Variants in NRG3 observed in about 807,000 individuals in gnomAD.
NRG3 encodes neuregulin 3, also known as pro-neuregulin-3, membrane-bound isoform.
NRG3 carries 31 observed loss-of-function variants against 66.9 expected under a neutral mutation model. The observed-to-expected ratio is 0.46, with a 90% CI of 0.35 to 0.63. The LOEUF (loss-of-function observed/expected upper bound fraction) is 0.63, where lower values mean the gene tolerates loss of function less well. NRG3 is among the 20% of genes least tolerant of loss of function. The pLI is 0.00. For synonymous variants in NRG3, 393 were observed against 359.4 expected, an observed-to-expected ratio of 1.09 and a Z score of -1.06; for missense variants, 910 against 878.9, an observed-to-expected ratio of 1.04 and a Z score of -0.45.
At chr10:82,937,916 G>C (rs964712419) in intron 4 of NRG3, among the ~76,000 whole-genome samples, 1 of 152,174 alleles carries the variant, frequency 6.6e-6, no homozygotes, top group Non-Finnish European at 1.5e-5. Context: ...TGGCTAGCCT[G>C]AAATGAGCTG....
At chr10:82,984,783 G>C (rs1853283300) in intron 8 of NRG3, 1 of 1,551,772 alleles carries the variant, frequency 6.4e-7, no homozygotes, top group African/African-American at 1.4e-5. Flanking sequence ...TGTATTCTAG[G>C]ATAGAGGTCA....
chr10:82,875,056 C>T (rs1295023290), intron 4 of NRG3, among the ~76,000 whole-genome samples: 1 of 152,148 alleles, frequency 6.6e-6, no homozygotes, highest in Non-Finnish European at 1.5e-5. Context: ...ATAAAAAGGA[C>T]CACTTAGCTG....
chr10:82,487,228 CAG>C (rs1293076138), intron 2 of NRG3, among the ~76,000 whole-genome samples: 1 of 151,434 alleles, frequency 6.6e-6, no homozygotes. Flanking sequence ...TATAAATAAA[CAG>C]AAATTGTAAG....
At chr10:82,298,738 A>G (rs1327997699) in intron 1 of NRG3, among the ~76,000 whole-genome samples, 2 of 152,030 alleles carry the variant, frequency 1.3e-5, no homozygotes, top group African/African-American at 2.4e-5. Flanking sequence ...GAGGAATTCT[A>G]TGCTGTGCAC....
intron 2 of NRG3, among the ~76,000 whole-genome samples, chr10:82,725,412 C>T (rs1374665354): frequency 6.6e-6 from 1 of 152,196 alleles, no homozygotes; most frequent in Non-Finnish European, 1.5e-5. Flanking sequence ...ATATTCTACC[C>T]TTGCACACTG....
At chr10:82,473,471 A>C (rs923767666) in intron 2 of NRG3, among the ~76,000 whole-genome samples, 2 of 152,160 alleles carry the variant, frequency 1.3e-5, no homozygotes, top group African/African-American at 4.8e-5. Flanking sequence ...ACAAACAAAC[A>C]AACCAACAAA....
rs77148110 is a variant in NRG3 at position 82,763,064 on chromosome 10, C to T, written c.1027+24414C>T. 4.4e-3 allele frequency among the ~76,000 whole-genome samples: 676 copies of T among 152,298 alleles called. 3 individuals carry two copies. Among genetic ancestry groups the T allele is most frequent in the African/African-American group, 0.013 (553 of 41,584 alleles). On this transcript the variant is annotated intron_variant, in intron 3 of 8. Coordinates refer to ENST00000372141, the MANE Select transcript of NRG3 (RefSeq NM_001010848.4). ...CACTAACAAACATGGTTTTTTGTGA[C>T]ACCTGATTCTTGCCCAGTGTTTATG...
Position 82,372,456 on chromosome 10 carries a change from G to A in NRG3, c.953+13588G>A, listed in dbSNP as rs1589885751. Among the ~76,000 whole-genome samples, 3 of 152,088 alleles carry A rather than the reference G, an allele frequency of 2.0e-5. No individual in the cohort carries two copies. The South Asian group carries it at 6.2e-4, about 32-fold the overall frequency. ...GAGTGCGATTCTTCAAGCCTAACAA[G>A]TATATCACACTGATTAAATTATGAA... On this transcript the variant is annotated intron_variant, in intron 2 of 8. Transcript: ENST00000372141.
chr10:82,850,713 CA>C (rs5786576), intron 3 of NRG3, among the ~76,000 whole-genome samples: 245 of 137,730 alleles, frequency 1.8e-3, no homozygotes, highest in South Asian at 4.8e-3. Flanking sequence ...TTTTTAAGAG[CA>C]AAAAAAAAAA....
chr10:82,363,619 C>A (rs575086653), intron 2 of NRG3, among the ~76,000 whole-genome samples: 1 of 152,206 alleles, frequency 6.6e-6, no homozygotes, highest in South Asian at 2.1e-4. Flanking sequence ...CCACACCTGG[C>A]TGATTTTTTG....
intron 2 of NRG3, among the ~76,000 whole-genome samples, chr10:82,546,620 G>A (rs1452650005): frequency 2.6e-5 from 4 of 152,224 alleles, no homozygotes; most frequent in Middle Eastern, 3.4e-3. Flanking sequence ...TTAGAAATAC[G>A]TGTATAAAAG....
intron 4 of NRG3, among the ~76,000 whole-genome samples, chr10:82,876,367 G>A (rs1795290803): frequency 1.3e-5 from 2 of 152,128 alleles, no homozygotes; most frequent in African/African-American, 2.4e-5. Context: ...ATAGATTTGG[G>A]GCAATGAATT....
chr10:82,863,780 A>T (rs1013734253), intron 3 of NRG3, among the ~76,000 whole-genome samples: 1 of 152,154 alleles, frequency 6.6e-6, no homozygotes, highest in Admixed American at 6.5e-5. Context: ...CTCTTCATCC[A>T]GTGCACATTT....
intron 2 of NRG3, among the ~76,000 whole-genome samples, chr10:82,453,777 A>G (rs886916844): frequency 6.6e-6 from 1 of 151,818 alleles, no homozygotes; most frequent in African/African-American, 2.4e-5. Flanking sequence ...TCTGTTTCTC[A>G]TTTATTCAAC....
intron 1 of NRG3, among the ~76,000 whole-genome samples, chr10:81,954,490 G>C (rs1453534137): frequency 6.6e-6 from 1 of 152,024 alleles, no homozygotes; most frequent in Non-Finnish European, 1.5e-5. Flanking sequence ...AACTCTATCA[G>C]AACAAAGAAG....
chr10:82,020,252 G>T (rs555119197), intron 1 of NRG3, among the ~76,000 whole-genome samples: 12 of 152,188 alleles, frequency 7.9e-5, no homozygotes, highest in Non-Finnish European at 1.6e-4. Context: ...TTTAAGAAAA[G>T]AAATCACATA....
At chr10:82,592,133 A>G (rs2133317422) in intron 2 of NRG3, among the ~76,000 whole-genome samples, 1 of 152,338 alleles carries the variant, frequency 6.6e-6, no homozygotes, top group East Asian at 1.9e-4. Context: ...ACAAACAAAC[A>G]TGTAATGGCT....
chr10:82,721,624 T>C (rs1267241167), intron 2 of NRG3, among the ~76,000 whole-genome samples: 1 of 151,804 alleles, frequency 6.6e-6, no homozygotes, highest in Non-Finnish European at 1.5e-5. Flanking sequence ...GGTTTCACGG[T>C]GTTGGTCAGG....
intron 2 of NRG3, among the ~76,000 whole-genome samples, chr10:82,632,810 T>G (rs2133741855): frequency 6.6e-6 from 1 of 152,332 alleles, no homozygotes. Context: ...GATGATTGAC[T>G]TGGTTCATTT....
Sources: gnomAD v4.1 joint callset for allele counts (sites outside exome capture counted in the v4.1 genomes callset) on GRCh38, gnomAD v4.1.1 for gene constraint, MANE v1.5 for transcripts, NCBI Gene and HGNC (gene_info 2026-07-23, HGNC 2026-07-21) for gene names.